GUSB: variants seen among roughly 807,000 people sequenced by gnomAD.
GUSB encodes glucuronidase beta.
GUSB carries 51 observed loss-of-function variants against 74.6 expected under a neutral mutation model. The ratio of observed to expected loss-of-function variants is 0.68; its 90% CI spans 0.55 to 0.86. GUSB has a LOEUF of 0.86. Ranked by LOEUF, GUSB falls within the 40% of genes least tolerant of loss-of-function variation. GUSB has a pLI of 0.00. For synonymous variants in GUSB, 360 were observed against 348.3 expected, an observed-to-expected ratio of 1.03 and a Z score of -0.37; for missense variants, 736 against 853.7, an observed-to-expected ratio of 0.86 and a Z score of 1.72.
chr7:65,967,940 T>C, intron 9 of GUSB, 33 bp from the exon 10 acceptor site: 2 of 1,577,108 alleles, frequency 1.3e-6, no homozygotes, highest in Non-Finnish European at 1.7e-6. Context: ...CGTTCAGCAC[T>C]CAGTAGACAG....
chr7:65,978,605 T>TA (rs540646816), intron 4 of GUSB, among the ~76,000 whole-genome samples: 89 of 147,420 alleles, frequency 6.0e-4, no homozygotes, highest in Non-Finnish European at 1.2e-3. Flanking sequence ...CTGTCTCTAC[T>TA]AAAAAAAAAT....
In GUSB at chr7:65,967,715, G is replaced by C. The variant is rs771219944; in HGVS notation, c.1653+16C>G. The C allele has an allele frequency of 6.2e-6, 10 of 1,607,790 alleles. No individual in the cohort carries two copies. The highest frequency in any genetic ancestry group is 1.6e-4 in the Middle Eastern group (1 of 6,068). ...CCCTGAGAGAACACACAAGCAGAAA[G>C]CTCAACACTGCTTACCTGGTGAAAC... is the stretch of plus-strand genomic sequence containing the variant. On this transcript the variant is annotated intron_variant, in intron 10 of 11. Transcript: ENST00000304895.
intron 8 of GUSB, among the ~76,000 whole-genome samples, chr7:65,974,037 T>C (rs893191529): frequency 1.3e-5 from 2 of 150,706 alleles, no homozygotes; most frequent in Non-Finnish European, 3.0e-5. Context: ...GCAGAGGTTG[T>C]AATGAGCGGA....
chr7:65,967,427 C>T (rs1790908228), intron 10 of GUSB, among the ~76,000 whole-genome samples: 1 of 152,200 alleles, frequency 6.6e-6, no homozygotes, highest in Non-Finnish European at 1.5e-5. Flanking sequence ...ACACTCCAGC[C>T]TGGGTGACAG....
intron 8 of GUSB, among the ~76,000 whole-genome samples, chr7:65,971,428 C>T (rs551306004): frequency 5.3e-5 from 8 of 151,730 alleles, no homozygotes; most frequent in African/African-American, 9.7e-5. Context: ...CTTGTTTCTA[C>T]AACAAATTTA....
rs141706525 is a variant in GUSB at position 65,971,165 on chromosome 7, C to G, written c.1392-799G>C. Among the ~76,000 whole-genome samples the G allele has an allele frequency of 3.3e-5, 5 of 152,244 alleles. No individual in the cohort carries two copies. In the East Asian group the frequency reaches 7.7e-4, roughly 24 times the overall value. ...CTTGAACACAGGAGGTGGATGGATGCAGATTTGGGAGGGATATTTATTAAT... is the reference window on the plus strand; with the variant it reads ...CTTGAACACAGGAGGTGGATGGATGGAGATTTGGGAGGGATATTTATTAAT... On this transcript the variant is annotated intron_variant, in intron 8 of 11. Transcript: ENST00000304895.
Position 65,974,613 on chromosome 7 carries a change from T to A in GUSB, c.1157A>T (p.Tyr386Phe). 1 of 1,613,772 alleles carries A rather than the reference T, an allele frequency of 6.2e-7. No homozygotes were observed. The highest frequency in any genetic ancestry group is 8.5e-7 in the Non-Finnish European group (1 of 1,179,778). Residue 386 changes from tyrosine to phenylalanine, a missense_variant, in exon 7 of 12, where the codon TAC becomes TTC. Tyr to Phe is a conservative substitution (Grantham distance 22, BLOSUM62 3). Transcript: ENST00000304895. Reference sequence around the variant, plus strand: ...CTGCATCACTTCCTCTGCATAGGGGTAGTGGCTGGTACGGAAAGCGTTGGC... The same window carrying A: ...CTGCATCACTTCCTCTGCATAGGGGAAGTGGCTGGTACGGAAAGCGTTGGC... ...LGANAFRTSH[Y>F]PYAEEVMQMC...
At chr7:65,961,108 G>A (rs1374118644) in intron 11 of GUSB, 45 bp from the exon 12 acceptor site, 10 of 1,573,668 alleles carry the variant, frequency 6.4e-6, no homozygotes, top group Non-Finnish European at 8.7e-6. Flanking sequence ...GATGTCTTCT[G>A]ATGGGTCAAG....
In GUSB at chr7:65,974,512, C is replaced by T. The variant is rs374374179; in HGVS notation, c.1244+14G>A. 3.1e-6 allele frequency: 5 copies of T among 1,614,140 alleles called. No individual in the cohort carries two copies. The highest frequency in any genetic ancestry group is 4.2e-6 in the Non-Finnish European group (5 of 1,180,036). ...GGGCTGGGCAGGCGGAGCAGGTGCA[C>T]AGCAGAGACTCACGGCAGCGCCAGG... is the stretch of plus-strand genomic sequence containing the variant. On this transcript the variant is annotated intron_variant, in intron 7 of 11. Coordinates refer to ENST00000304895, the MANE Select transcript of GUSB (RefSeq NM_000181.4).
At chr7:65,979,702 G>A (rs1434101106) in intron 3 of GUSB, 25 bp downstream of exon 3, 20 of 1,609,116 alleles carry the variant, frequency 1.2e-5, no homozygotes, top group Admixed American at 5.0e-5. Flanking sequence ...GTGGGTGTGT[G>A]CAATGGAGGC....
Position 65,974,961 on chromosome 7 carries a change from T to C in GUSB, c.1023A>G (p.Lys341=), listed in dbSNP as rs774381911. 2 of 1,613,690 alleles carry C rather than the reference T, an allele frequency of 1.2e-6. No homozygotes were observed. The highest frequency in any genetic ancestry group is 2.2e-5 in the East Asian group (1 of 44,882). The change falls in exon 6 of 12, where the codon AAA becomes AAG. Residue 341 remains lysine, a synonymous_variant. Coordinates refer to ENST00000304895, the MANE Select transcript of GUSB (RefSeq NM_000181.4). ...VTKSQFLING[K]PFYFHGVNKH... is the part of the protein sequence containing the mutation. ...TGTTGACACCGTGGAAATAGAAAGG[T>C]TTCCCATTGATGAGGAACTGGCTCT... is the stretch of plus-strand genomic sequence containing the variant.
intron 2 of GUSB, 87 bp from the exon 3 acceptor site, chr7:65,979,998 C>T: frequency 4.4e-6 from 5 of 1,147,936 alleles, no homozygotes; most frequent in Non-Finnish European, 6.3e-6. Context: ...ACATAACCTG[C>T]AGCATGGGGC....
intron 8 of GUSB, among the ~76,000 whole-genome samples, chr7:65,971,746 A>AT (rs1319511532): frequency 1.3e-5 from 2 of 151,596 alleles, no homozygotes; most frequent in African/African-American, 4.9e-5. Flanking sequence ...AAAAAAAAAA[A>AT]AAATTTAAAC....
At position 65,976,536 on chromosome 7, in the gene GUSB, G is replaced by A. The variant is rs190435442; in HGVS notation, c.725-334C>T. Among the ~76,000 whole-genome samples the A allele has an allele frequency of 4.1e-3, 619 of 151,942 alleles. 3 individuals are homozygous for A. The highest frequency in any genetic ancestry group is 0.014 in the African/African-American group (569 of 41,486). ...AGATGGGTTTTGTCATATTGGCCAG[G>A]CTGGTCTTGAACCCCTGACCTCAGG... is the stretch of plus-strand genomic sequence containing the variant. On this transcript the variant is annotated intron_variant, in intron 4 of 11. Transcript: ENST00000304895.
rs1790426103 is a variant in GUSB at position 65,960,701 on chromosome 7, C to T, written c.*196G>A. The T allele has an allele frequency of 1.7e-6, 1 of 599,522 alleles. No individual in the cohort carries two copies. The highest frequency in any genetic ancestry group is 2.0e-5 in the South Asian group (1 of 51,038). The allele number at this position is 599,522 out of a possible 1,614,324, so 37.1% of individuals were successfully genotyped here. ...TCAGATGCTTTTCAGTAGCCACTTTCATGCCAACTCTTTATTTCCATAATA... is the reference window on the plus strand; with the variant it reads ...TCAGATGCTTTTCAGTAGCCACTTTTATGCCAACTCTTTATTTCCATAATA... On this transcript the variant is annotated 3_prime_UTR_variant, in exon 12 of 12. Transcript: ENST00000304895.
At position 65,974,360 on chromosome 7, in the gene GUSB, C is replaced by A. The variant is rs1226319325; in HGVS notation, c.1326G>T (p.Ala442=). ...CGTTGGCCACAGACCACATCACGAC[C>A]GCGGGGTGGTTCTTGTCCCTACGCA... is the stretch of plus-strand genomic sequence containing the variant. ...EVVRRDKNHP[A]VVMWSVANEP... is the part of the protein sequence containing the mutation. Residue 442 remains alanine, a synonymous_variant, in exon 8 of 12, where the codon GCG becomes GCT. Coordinates refer to ENST00000304895, the MANE Select transcript of GUSB (RefSeq NM_000181.4). The A allele has an allele frequency of 6.2e-7, 1 of 1,614,150 alleles. No homozygotes were observed. The highest frequency in any genetic ancestry group is 1.1e-5 in the South Asian group (1 of 91,084).
intron 1 of GUSB, 78 bp from the exon 2 acceptor site, chr7:65,980,487 C>G (rs539734543): frequency 7.7e-7 from 1 of 1,303,880 alleles, no homozygotes; most frequent in African/African-American, 1.5e-5. Context: ...GCTGTGCCCC[C>G]AGGCCTAGCA....
chr7:65,973,304 G>C (rs1369719787), intron 8 of GUSB, among the ~76,000 whole-genome samples: 1 of 151,982 alleles, frequency 6.6e-6, no homozygotes, highest in Non-Finnish European at 1.5e-5. Context: ...AAATGCAAAA[G>C]TTGGCCAGGC....
rs1002765916 is a variant in GUSB, at chr7:65,975,436, G to C, written c.913-365C>G. 3 of 345,190 alleles carry C rather than the reference G, an allele frequency of 8.7e-6. No individual in the cohort carries two copies. In the Admixed American group the frequency reaches 1.2e-4, roughly 14 times the overall value. The allele number at this position is 345,190 out of a possible 1,614,324, so 21.4% of individuals were successfully genotyped here. ...GTCTCAGTCTGTCCCCCAGGCTGGA[G>C]TGCAGTGGTGTGATCTCAGCTCACT... On this transcript the variant is annotated intron_variant, in intron 5 of 11. Coordinates refer to ENST00000304895, the MANE Select transcript of GUSB (RefSeq NM_000181.4).
Sources: gnomAD v4.1 joint callset for allele counts (sites outside exome capture counted in the v4.1 genomes callset) on GRCh38, gnomAD v4.1.1 for gene constraint, MANE v1.5 for transcripts, NCBI Gene and HGNC (gene_info 2026-07-23, HGNC 2026-07-21) for gene names.